The following EFCAB3 variants were observed in gnomAD, a reference collection of about 807,000 sequenced individuals.
The protein encoded by EFCAB3 is EF-hand calcium-binding domain-containing protein 3.
EFCAB3 carries 36 observed loss-of-function variants against 42.2 expected under a neutral mutation model. The observed-to-expected ratio is 0.85, with a 90% CI of 0.65 to 1.13. The LOEUF is 1.13. EFCAB3 is among the 50% of genes most tolerant of loss of function. The pLI is 0.00. For missense variants in EFCAB3, 418 were observed against 505.1 expected, an observed-to-expected ratio of 0.83 and a Z score of 1.65; for synonymous variants, 170 against 172.8, an observed-to-expected ratio of 0.98 and a Z score of 0.13.
chr17:62,389,372 C>G (rs1243905170), intron 3 of EFCAB3, among the ~76,000 whole-genome samples: 1 of 152,134 alleles, frequency 6.6e-6, no homozygotes, highest in African/African-American at 2.4e-5. Context: ...CTAGTAGTCA[C>G]TATTCTAGGA....
At chr17:62,396,151 A>C (rs1454945206) in intron 6 of EFCAB3, among the ~76,000 whole-genome samples, 1 of 152,208 alleles carries the variant, frequency 6.6e-6, no homozygotes, top group East Asian at 1.9e-4. Flanking sequence ...TGTGGGGCTG[A>C]TATGTGACAA....
At chr17:62,394,468 A>G (rs2070332332) in intron 5 of EFCAB3, among the ~76,000 whole-genome samples, 1 of 152,196 alleles carries the variant, frequency 6.6e-6, no homozygotes, top group Non-Finnish European at 1.5e-5. Context: ...GTTAGAGAGC[A>G]TTAAGGTGTC....
At position 62,381,820 on chromosome 17, in the gene EFCAB3, T is replaced by C. The variant is rs560796977; in HGVS notation, c.-17-1143T>C. 2.9e-4 allele frequency: 124 copies of C among 433,602 alleles called. 2 individuals carry two copies. Among genetic ancestry groups the C allele is most frequent in the African/African-American group, 2.4e-3 (117 of 49,092 alleles). 26.9% of individuals were successfully genotyped at this position (433,602 alleles called of 1,614,324 possible). ...ATCAGTGAGCTGAATGGAAAAAGCA[T>C]TGAAGATGTCATTGCCCAGGGTATT... On this transcript the variant is annotated intron_variant, in intron 1 of 9. Coordinates refer to ENST00000305286, the MANE Select transcript of EFCAB3 (RefSeq NM_173503.4).
chr17:62,416,439 A>G lies in EFCAB3; in HGVS notation c.*110A>G. On this transcript the variant is annotated 3_prime_UTR_variant, in exon 10 of 10. Transcript: ENST00000305286. Reference sequence around the variant, plus strand: ...ATTCTTAGAAGCTGGAAATTTTGACATCTTTTGGATTCTGACCAGTAAAAA... The same window carrying G: ...ATTCTTAGAAGCTGGAAATTTTGACGTCTTTTGGATTCTGACCAGTAAAAA... 4 of 940,598 alleles carry G rather than the reference A, an allele frequency of 4.3e-6. No homozygotes were observed. Among genetic ancestry groups the G allele is most frequent in the Non-Finnish European group, 6.1e-6 (4 of 653,024 alleles). 58.3% of individuals were successfully genotyped at this position (940,598 alleles called of 1,614,324 possible). A position where few individuals can be genotyped will look rare whatever the true frequency, so the allele number is the denominator to read the frequency against.
intron 6 of EFCAB3, among the ~76,000 whole-genome samples, chr17:62,400,472 T>C (rs2070391235): frequency 6.6e-6 from 1 of 152,154 alleles, no homozygotes; most frequent in South Asian, 2.1e-4. Flanking sequence ...AGTGAGAACA[T>C]GCGGTGTTTG....
At chr17:62,378,785 G>A (rs1162743591), upstream of EFCAB3, among the ~76,000 whole-genome samples, 1 of 131,996 alleles carries the variant, frequency 7.6e-6, no homozygotes, top group Non-Finnish European at 1.6e-5. Context: ...GGGGTGGGGG[G>A]CTAGGGGAGA....
intron 3 of EFCAB3, among the ~76,000 whole-genome samples, chr17:62,388,381 A>G (rs545853610): frequency 6.6e-6 from 1 of 152,336 alleles, no homozygotes; most frequent in South Asian, 2.1e-4. Flanking sequence ...AACAGGAGTA[A>G]ATCAGGCAAA....
chr17:62,388,749 T>TAATC (rs1555571685), intron 3 of EFCAB3, among the ~76,000 whole-genome samples: 2 of 152,224 alleles, frequency 1.3e-5, no homozygotes, highest in Non-Finnish European at 2.9e-5. Context: ...GTTCATTCTA[T>TAATC]AATCAATCAA....
chr17:62,393,245 G>A (rs1051543697), intron 4 of EFCAB3, among the ~76,000 whole-genome samples: 5 of 152,184 alleles, frequency 3.3e-5, no homozygotes, highest in Non-Finnish European at 7.3e-5. Context: ...AGGAATAATA[G>A]GGGTGGTTAT....
upstream of EFCAB3, among the ~76,000 whole-genome samples, chr17:62,378,920 T>C (rs1371871384): frequency 6.8e-6 from 1 of 147,768 alleles, no homozygotes; most frequent in Non-Finnish European, 1.5e-5. Context: ...ACTTAAAGTA[T>C]AACAAAAAAA....
intron 1 of EFCAB3, chr17:62,381,777 G>C (rs1185317320): frequency 1.2e-5 from 5 of 412,142 alleles, no homozygotes; most frequent in South Asian, 6.0e-5. Context: ...GGCGGACGAC[G>C]ACCGGCTCAA....
intron 6 of EFCAB3, among the ~76,000 whole-genome samples, chr17:62,402,898 G>A (rs1481652990): frequency 1.3e-5 from 2 of 152,070 alleles, no homozygotes; most frequent in African/African-American, 2.4e-5. Context: ...GGTAGAATTC[G>A]GCTGTGAATC....
intron 6 of EFCAB3, 46 bp from the exon 7 acceptor site, chr17:62,406,434 C>T: frequency 6.8e-7 from 1 of 1,480,372 alleles, no homozygotes; most frequent in Non-Finnish European, 9.0e-7. Context: ...AAATTTTTGT[C>T]CTATGTCTCT....
intron 6 of EFCAB3, among the ~76,000 whole-genome samples, chr17:62,396,609 A>G (rs1407901994): frequency 6.6e-6 from 1 of 151,856 alleles, no homozygotes; most frequent in Non-Finnish European, 1.5e-5. Flanking sequence ...AAAAAAAATT[A>G]TAGCCAGGCA....
At chr17:62,374,069 AT>A (rs2070132874) in intron 2 of EFCAB3, among the ~76,000 whole-genome samples, 1 of 152,124 alleles carries the variant, frequency 6.6e-6, no homozygotes, top group Non-Finnish European at 1.5e-5. Context: ...ATCACCACAA[AT>A]TTTTTCCTTA....
chr17:62,404,627 T>C (rs2070433221), intron 6 of EFCAB3, among the ~76,000 whole-genome samples: 1 of 151,770 alleles, frequency 6.6e-6, no homozygotes, highest in South Asian at 2.1e-4. Context: ...AGAAACCCCG[T>C]CTCTACTAAA....
intron 1 of EFCAB3, among the ~76,000 whole-genome samples, chr17:62,370,520 G>T (rs557908807): frequency 3.3e-4 from 50 of 152,226 alleles, no homozygotes; most frequent in Admixed American, 1.6e-3. Flanking sequence ...ACTGGGCGTG[G>T]TGGTGGGCAC....
intron 7 of EFCAB3, 33 bp from the exon 8 acceptor site, chr17:62,406,991 ATTGT>A: frequency 1.9e-6 from 3 of 1,549,650 alleles, no homozygotes; most frequent in Non-Finnish European, 2.6e-6. Context: ...TTCTTCTTAC[ATTGT>A]TTGTGATACC....
chr17:62,396,189 A>C (rs1598013935), intron 6 of EFCAB3, among the ~76,000 whole-genome samples: 1 of 152,214 alleles, frequency 6.6e-6, no homozygotes, highest in Admixed American at 6.5e-5. Context: ...GCACACTATA[A>C]GAGCTCAATA....
Sources: allele counts gnomAD v4.1 joint callset (sites outside exome capture counted in the v4.1 genomes callset), GRCh38; gene constraint gnomAD v4.1.1; transcripts MANE v1.5; gene names NCBI Gene and HGNC (gene_info 2026-07-23, HGNC 2026-07-21).